Variants in DLGAP2 observed in about 807,000 individuals in gnomAD.
The protein encoded by DLGAP2 is disks large-associated protein 2.
A neutral mutation model predicts 100.3 loss-of-function variants in DLGAP2; 26 were observed. That is an observed-to-expected ratio of 0.26 (90% confidence interval 0.19 to 0.36). The LOEUF is 0.36. Among genes scored for constraint, DLGAP2 ranks in the 10% least tolerant of loss-of-function variants. DLGAP2 has a pLI of 1.00. For missense variants in DLGAP2, 1,858 were observed against 1,453.2 expected (o/e 1.28, Z -4.53); for synonymous variants, 886 against 630.1 (o/e 1.41, Z -6.08).
At chr8:1,296,835 A>T (rs1422823399) in intron 3 of DLGAP2, among the ~76,000 whole-genome samples, 1 of 152,220 alleles carries the variant, frequency 6.6e-6, no homozygotes, top group African/African-American at 2.4e-5. Flanking sequence ...CCCGAACCAC[A>T]CAGGACAGTG....
chr8:1,479,233 C>T (rs1221933575), intron 3 of DLGAP2, among the ~76,000 whole-genome samples: 1 of 152,218 alleles, frequency 6.6e-6, no homozygotes, highest in Non-Finnish European at 1.5e-5. Context: ...TCAAAAACTG[C>T]AGGACTTCCT....
intron 2 of DLGAP2, among the ~76,000 whole-genome samples, chr8:1,191,453 A>G (rs62489011): frequency 0.017 from 2,585 of 152,304 alleles, 36 homozygotes; most frequent in Non-Finnish European, 0.025. Context: ...TATAGGCGTG[A>G]GCCACCGCGC....
At chr8:1,122,915 T>C (rs1796082998) in intron 2 of DLGAP2, among the ~76,000 whole-genome samples, 1 of 152,214 alleles carries the variant, frequency 6.6e-6, no homozygotes, top group African/African-American at 2.4e-5. Context: ...GGGAAGAGTG[T>C]GATACCAGCT....
At chr8:1,275,181 A>G (rs1326069708) in intron 3 of DLGAP2, among the ~76,000 whole-genome samples, 1 of 152,182 alleles carries the variant, frequency 6.6e-6, no homozygotes. Context: ...GTTATTATGT[A>G]TAAAACCTGA....
chr8:1,554,634 C>G (rs747290327), intron 5 of DLGAP2, among the ~76,000 whole-genome samples: 14 of 152,174 alleles, frequency 9.2e-5, no homozygotes, highest in Non-Finnish European at 1.6e-4. Flanking sequence ...GTCCAACACA[C>G]TCAGTAACAA....
intron 2 of DLGAP2, among the ~76,000 whole-genome samples, chr8:1,001,068 G>C (rs1278968559): frequency 6.6e-6 from 1 of 152,220 alleles, no homozygotes; most frequent in African/African-American, 2.4e-5. Flanking sequence ...TCACTTCTCT[G>C]AGTGGCAATG....
intron 2 of DLGAP2, among the ~76,000 whole-genome samples, chr8:964,573 G>T (rs182997070): frequency 6.6e-6 from 1 of 152,238 alleles, no homozygotes; most frequent in Non-Finnish European, 1.5e-5. Flanking sequence ...GGTATCTGCC[G>T]TGTTCCCCAC....
At chr8:1,603,201 T>A (rs1796684070) in intron 6 of DLGAP2, among the ~76,000 whole-genome samples, 1 of 149,448 alleles carries the variant, frequency 6.7e-6, no homozygotes, top group Non-Finnish European at 1.5e-5. Context: ...GGGTCTCAGT[T>A]CTGCAGAGCT....
chr8:1,207,644 C>A (rs1798023520), intron 2 of DLGAP2, among the ~76,000 whole-genome samples: 1 of 152,206 alleles, frequency 6.6e-6, no homozygotes, highest in African/African-American at 2.4e-5. Flanking sequence ...AGTCTCCACA[C>A]TGTTTTCCGT....
At chr8:895,496 TGAG>T (rs1798127738) in intron 1 of DLGAP2, among the ~76,000 whole-genome samples, 1 of 152,086 alleles carries the variant, frequency 6.6e-6, no homozygotes, top group African/African-American at 2.4e-5. Context: ...TTGGCGCTGA[TGAG>T]GAGCAGGAAG....
intron 2 of DLGAP2, among the ~76,000 whole-genome samples, chr8:944,684 T>C (rs998035670): frequency 2.0e-5 from 3 of 151,662 alleles, no homozygotes; most frequent in East Asian, 3.9e-4. Context: ...CTGCGGGTGA[T>C]CCAGTGGTTG....
intron 3 of DLGAP2, among the ~76,000 whole-genome samples, chr8:1,386,232 G>A (rs1353115392): frequency 6.6e-6 from 1 of 152,120 alleles, no homozygotes; most frequent in African/African-American, 2.4e-5. Flanking sequence ...AAATGATCCA[G>A]GAAAAGGAAA....
At chr8:1,426,030 A>G (rs955385267) in intron 3 of DLGAP2, among the ~76,000 whole-genome samples, 1 of 152,222 alleles carries the variant, frequency 6.6e-6, no homozygotes, top group Non-Finnish European at 1.5e-5. Context: ...TGGGGTCCTC[A>G]GCATGAGAAT....
chr8:1,371,109 G>A (rs991393830), intron 3 of DLGAP2, among the ~76,000 whole-genome samples: 8 of 152,230 alleles, frequency 5.3e-5, no homozygotes, highest in African/African-American at 1.9e-4. Context: ...CATCCTGCAT[G>A]TTTCTTGCCT....
At chr8:1,116,134 C>T (rs562340240) in intron 2 of DLGAP2, among the ~76,000 whole-genome samples, 41 of 152,326 alleles carry the variant, frequency 2.7e-4, no homozygotes, top group South Asian at 6.2e-4. Context: ...GGCCTTGATG[C>T]GGTACGCAAT....
chr8:1,362,066 G>T (rs1437607579), intron 3 of DLGAP2, among the ~76,000 whole-genome samples: 1 of 151,282 alleles, frequency 6.6e-6, no homozygotes, highest in Non-Finnish European at 1.5e-5. Flanking sequence ...GAGAATGAAA[G>T]AGAATTCAAG....
intron 4 of DLGAP2, among the ~76,000 whole-genome samples, chr8:1,534,177 G>A (rs1443140853): frequency 6.6e-6 from 1 of 152,182 alleles, no homozygotes; most frequent in South Asian, 2.1e-4. Context: ...TTTAAATTAA[G>A]GAGCCCCTGA....
chr8:925,570 C>T (rs900095587), intron 2 of DLGAP2, among the ~76,000 whole-genome samples: 4 of 152,090 alleles, frequency 2.6e-5, no homozygotes, highest in Non-Finnish European at 5.9e-5. Flanking sequence ...ACATTGTGGA[C>T]GGAGTAACCC....
chr8:1,597,563 C>A (rs1796498445), intron 6 of DLGAP2, among the ~76,000 whole-genome samples: 1 of 152,088 alleles, frequency 6.6e-6, no homozygotes, highest in African/African-American at 2.4e-5. Flanking sequence ...GTTTGTAGTT[C>A]TCCTTGAAGA....
Sources: allele counts gnomAD v4.1 joint callset (sites outside exome capture counted in the v4.1 genomes callset), GRCh38; gene constraint gnomAD v4.1.1; transcripts MANE v1.5; gene names NCBI Gene and HGNC (gene_info 2026-07-23, HGNC 2026-07-21).